Variants in LCOR observed in about 807,000 individuals in gnomAD.
The protein encoded by LCOR is ligand-dependent corepressor.
Under a neutral mutation model 64.4 loss-of-function variants are expected in LCOR, and 14 were observed. The ratio of observed to expected loss-of-function variants is 0.22; its 90% confidence interval spans 0.14 to 0.34. The LOEUF is 0.34. Among genes scored for constraint, LCOR ranks in the 10% least tolerant of loss-of-function variants. The pLI is 1.00. For missense variants in LCOR, 1,686 were observed against 1,765.3 expected, an observed-to-expected ratio of 0.96 and a Z score of 0.80; for synonymous variants, 643 against 642.5, an observed-to-expected ratio of 1.00 and a Z score of -0.01.
In LCOR at chr10:96,992,607, C is replaced by G. The variant is rs760977707; in HGVS notation, c.*7473C>G. The G allele has an allele frequency of 6.6e-6, 1 of 152,244 alleles. No individual in the cohort carries two copies. Among genetic ancestry groups the G allele is most frequent in the Non-Finnish European group, 1.5e-5 (1 of 68,052 alleles). 9.4% of individuals were successfully genotyped at this position (152,244 alleles called of 1,614,324 possible). A position where few individuals can be genotyped will look rare whatever the true frequency, so the allele number is the denominator to read the frequency against. ...CCATGCAGCCTACTTCTTGCATGCA[C>G]AGTTGGTACATTTAGCTGTATGGCA... On this transcript the variant is annotated 3_prime_UTR_variant, in exon 8 of 8. Coordinates refer to ENST00000421806, the MANE Select transcript of LCOR (RefSeq NM_001346516.2).
intron 2 of LCOR, among the ~76,000 whole-genome samples, chr10:96,892,689 G>T (rs1846466421): frequency 6.6e-6 from 1 of 152,040 alleles, no homozygotes; most frequent in African/African-American, 2.4e-5. Flanking sequence ...TGAATTTTTG[G>T]GGGGACTCCA....
chr10:96,981,045 C>T lies in LCOR; in HGVS notation c.585C>T (p.Leu195=). Reference sequence around the variant, plus strand: ...ATAAGGAAAAAGATGCTCTGTGTCTCGATATGAAGTCTTCTGCTTCTGTAG... The same window carrying T: ...ATAAGGAAAAAGATGCTCTGTGTCTTGATATGAAGTCTTCTGCTTCTGTAG... ...TKHKEKDALC[L]DMKSSASVDL... Residue 195 remains leucine, a synonymous_variant, in exon 8 of 8, where the codon CTC becomes CTT. Coordinates refer to ENST00000421806, the MANE Select transcript of LCOR (RefSeq NM_001346516.2). The T allele has an allele frequency of 2.8e-6, 2 of 702,982 alleles. No individual in the cohort carries two copies. Among genetic ancestry groups the T allele is most frequent in the Admixed American group, 2.0e-5 (1 of 50,018 alleles). The allele number at this position is 702,982 out of a possible 1,614,324, so 43.5% of individuals were successfully genotyped here. A position where few individuals can be genotyped will look rare whatever the true frequency, so the allele number is the denominator to read the frequency against.
intron 4 of LCOR, among the ~76,000 whole-genome samples, chr10:96,909,423 T>G (rs772971324): frequency 6.6e-6 from 1 of 152,276 alleles, no homozygotes; most frequent in Non-Finnish European, 1.5e-5. Context: ...TATTGCTGTT[T>G]CAGCCTTTCA....
intron 7 of LCOR, among the ~76,000 whole-genome samples, chr10:96,973,029 C>T (rs1232190748): frequency 6.6e-6 from 1 of 152,172 alleles, no homozygotes; most frequent in East Asian, 1.9e-4. Context: ...GTTTCAACCC[C>T]TCACCATTCT....
chr10:96,968,491 A>G (rs547127330), intron 7 of LCOR, among the ~76,000 whole-genome samples: 1 of 152,232 alleles, frequency 6.6e-6, no homozygotes, highest in East Asian at 1.9e-4. Context: ...GAAGTTAGCC[A>G]TAAAAATATT....
chr10:96,922,976 C>T (rs926838872), intron 4 of LCOR, among the ~76,000 whole-genome samples: 2 of 152,084 alleles, frequency 1.3e-5, no homozygotes, highest in Non-Finnish European at 1.5e-5. Flanking sequence ...TCAGTGGTAA[C>T]GTTGACATAT....
intron 2 of LCOR, among the ~76,000 whole-genome samples, chr10:96,891,530 C>CTT (rs71007307): frequency 2.6e-4 from 2 of 7,644 alleles, no homozygotes; most frequent in African/African-American, 4.1e-4. Context: ...TGTCTTGACT[C>CTT]TTTTTTTTTT....
chr10:96,858,852 C>T (rs956705287), intron 2 of LCOR, among the ~76,000 whole-genome samples: 4 of 152,056 alleles, frequency 2.6e-5, no homozygotes, highest in African/African-American at 9.7e-5. Flanking sequence ...GGCAGATGGC[C>T]TGGTGGATAG....
chr10:96,958,141 A>T (rs1230976257), intron 7 of LCOR: 3 of 1,214,238 alleles, frequency 2.5e-6, no homozygotes, highest in Non-Finnish European at 3.1e-6. Context: ...AATGTTTGGG[A>T]TATTCAGTAG....
chr10:96,877,819 G>A, intron 2 of LCOR, among the ~76,000 whole-genome samples: 1 of 151,904 alleles, frequency 6.6e-6, no homozygotes, highest in Non-Finnish European at 1.5e-5. Context: ...CACCGCATTA[G>A]CCAGGATGGT....
At chr10:96,901,061 C>T (rs1048353056) in intron 2 of LCOR, among the ~76,000 whole-genome samples, 4 of 151,856 alleles carry the variant, frequency 2.6e-5, no homozygotes, top group East Asian at 3.9e-4. Flanking sequence ...TGGTGGCGGG[C>T]GCCTATAGTC....
At chr10:96,928,031 A>G (rs956614446) in intron 4 of LCOR, among the ~76,000 whole-genome samples, 3 of 152,188 alleles carry the variant, frequency 2.0e-5, no homozygotes, top group Non-Finnish European at 4.4e-5. Flanking sequence ...AGTAAATTGG[A>G]ATCTTTTTGC....
At position 96,984,842 on chromosome 10, in the gene LCOR, A is replaced by C; in HGVS notation, c.4382A>C (p.Lys1461Thr). The C allele has an allele frequency of 6.2e-7, 1 of 1,614,170 alleles. No homozygotes were observed. Among genetic ancestry groups the C allele is most frequent in the Non-Finnish European group, 8.5e-7 (1 of 1,180,034 alleles). ...AAAGAGAATAAAGTGAAGATCCCTA[A>C]AAAGTCCGCTGGGAAGAGCTGCCCT... ...SLKENKVKIP[K>T]KSAGKSCPPS... The change falls in exon 8 of 8, where the codon AAA becomes ACA. Residue 1461 changes from lysine (K) to threonine (T), a missense_variant. By Grantham distance (78) the Lys-to-Thr change is moderately conservative. Around this residue, in one of 3 missense-constraint regions of LCOR, gnomAD observed 1,293 missense variants for 1,410.4 expected, o/e 0.92. Transcript: ENST00000421806.
intron 2 of LCOR, among the ~76,000 whole-genome samples, chr10:96,861,558 T>A (rs1002070250): frequency 1.3e-5 from 2 of 152,118 alleles, no homozygotes; most frequent in African/African-American, 4.8e-5. Context: ...CTTTCTTTTT[T>A]TTTGAGACAG....
chr10:96,870,748 T>TGG (rs1345047467), intron 2 of LCOR, among the ~76,000 whole-genome samples: 2 of 152,236 alleles, frequency 1.3e-5, no homozygotes, highest in African/African-American at 4.8e-5. Context: ...TGTCTTCCCC[T>TGG]TCTCCCCTCC....
chr10:96,928,380 A>G (rs1451479295), intron 4 of LCOR, among the ~76,000 whole-genome samples: 1 of 152,198 alleles, frequency 6.6e-6, no homozygotes, highest in Non-Finnish European at 1.5e-5. Context: ...CACTTTCTTC[A>G]AAACATGATG....
intron 4 of LCOR, among the ~76,000 whole-genome samples, chr10:96,941,183 G>C (rs1362562104): frequency 3.7e-5 from 5 of 134,930 alleles, no homozygotes; most frequent in South Asian, 2.3e-4. Flanking sequence ...CTGGCCAGGC[G>C]GGGGGCTGAC....
At position 96,988,565 on chromosome 10, in the gene LCOR, T is replaced by A. The variant is rs1848168351; in HGVS notation, c.*3431T>A. ...ATCAGTAAAAGGCATCACTTCAAGA[T>A]AATTACTTTGAATTGAGGTTTGGCC... On this transcript the variant is annotated 3_prime_UTR_variant, in exon 8 of 8. Transcript: ENST00000421806. 1 of 152,232 alleles carries A rather than the reference T, an allele frequency of 6.6e-6. No individual in the cohort carries two copies. The highest frequency in any genetic ancestry group is 1.5e-5 in the Non-Finnish European group (1 of 68,030). The allele number at this position is 152,232 out of a possible 1,614,324, so 9.4% of individuals were successfully genotyped here. A position where few individuals can be genotyped will look rare whatever the true frequency, so the allele number is the denominator to read the frequency against.
intron 2 of LCOR, among the ~76,000 whole-genome samples, chr10:96,851,736 C>T (rs1189883923): frequency 6.6e-6 from 1 of 152,090 alleles, no homozygotes; most frequent in Non-Finnish European, 1.5e-5. Context: ...TTCTTTTCAC[C>T]CCCCAAAATA....
Sources: allele counts gnomAD v4.1 joint callset (sites outside exome capture counted in the v4.1 genomes callset), GRCh38; gene constraint gnomAD v4.1.1; regional missense constraint gnomAD v4.1.1; transcripts MANE v1.5; gene names NCBI Gene and HGNC (gene_info 2026-07-23, HGNC 2026-07-21).